Variants in MEI4 observed in about 807,000 individuals in gnomAD.
MEI4 encodes meiosis-specific protein MEI4.
A neutral mutation model predicts 31.4 loss-of-function variants in MEI4; 27 were observed. The observed-to-expected ratio is 0.86, with a 90% CI of 0.63 to 1.19. The LOEUF (loss-of-function observed/expected upper bound fraction) is 1.19. MEI4 is among the 50% of genes most tolerant of loss of function. The probability of loss-of-function intolerance (pLI) is 0.00; values close to 1 mark genes in which losing one functional copy is unlikely to be tolerated. For missense variants in MEI4, 329 were observed against 398.9 expected (o/e 0.82, Z 1.49); for synonymous variants, 122 against 145.4 (o/e 0.84, Z 1.16).
intron 4 of MEI4, among the ~76,000 whole-genome samples, chr6:77,851,900 G>A (rs1335327460): frequency 1.3e-5 from 2 of 151,944 alleles, no homozygotes; most frequent in Admixed American, 6.6e-5. Flanking sequence ...ATTCCTATTG[G>A]AATATAACTT....
chr6:77,737,987 G>A (rs1264252474), intron 2 of MEI4, among the ~76,000 whole-genome samples: 1 of 152,208 alleles, frequency 6.6e-6, no homozygotes, highest in Non-Finnish European at 1.5e-5. Context: ...CTTGAGAGAA[G>A]TGTCAGGATT....
At chr6:77,704,156 T>C (rs1283737462) in intron 2 of MEI4, among the ~76,000 whole-genome samples, 3 of 152,208 alleles carry the variant, frequency 2.0e-5, no homozygotes, top group Non-Finnish European at 2.9e-5. Context: ...CTTTTGAAGG[T>C]AGGAGAAGGT....
chr6:77,700,183 G>A (rs1241571643), intron 2 of MEI4, among the ~76,000 whole-genome samples: 1 of 152,204 alleles, frequency 6.6e-6, no homozygotes, highest in South Asian at 2.1e-4. Context: ...TCTGTGCCCT[G>A]CCCCTAGAGG....
chr6:77,832,199 A>T (rs1770099917), intron 4 of MEI4, among the ~76,000 whole-genome samples: 1 of 151,992 alleles, frequency 6.6e-6, no homozygotes, highest in South Asian at 2.1e-4. Context: ...GTGCTTTTAT[A>T]CTCAGTGTTT....
intron 2 of MEI4, among the ~76,000 whole-genome samples, chr6:77,744,786 G>T (rs969676632): frequency 6.6e-6 from 1 of 152,160 alleles, no homozygotes; most frequent in African/African-American, 2.4e-5. Context: ...AGAAACCCTA[G>T]AAGCCAGAAG....
At chr6:77,730,679 A>C (rs1766957717) in intron 2 of MEI4, among the ~76,000 whole-genome samples, 1 of 151,986 alleles carries the variant, frequency 6.6e-6, no homozygotes, top group Non-Finnish European at 1.5e-5. Context: ...CACAATGTGC[A>C]AGTTAGTTAC....
At chr6:77,740,148 C>T (rs1046439685) in intron 2 of MEI4, among the ~76,000 whole-genome samples, 3 of 152,170 alleles carry the variant, frequency 2.0e-5, no homozygotes, top group Non-Finnish European at 4.4e-5. Flanking sequence ...ATTTTAATTA[C>T]ACTGTCGTCT....
At chr6:77,659,845 G>A (rs1768469392) in intron 1 of MEI4, among the ~76,000 whole-genome samples, 1 of 152,164 alleles carries the variant, frequency 6.6e-6, no homozygotes, top group Non-Finnish European at 1.5e-5. Context: ...ATTACCCAGG[G>A]GAATTCCAGT....
In MEI4 at chr6:77,782,440, A is replaced by G. The variant is rs148648059; in HGVS notation, c.768+20775A>G. 1.4e-3 allele frequency among the ~76,000 whole-genome samples: 213 copies of G among 152,310 alleles called. 1 individual carries two copies. Among genetic ancestry groups the G allele is most frequent in the African/African-American group, 4.5e-3 (187 of 41,578 alleles). The stretch of plus-strand genomic sequence containing the variant: ...ACATACTTAAGATACAGCATTCAAT[A>G]AATTTTCATTTACTCAGTTTTGCCT... On this transcript the variant is annotated intron_variant, in intron 3 of 4. Transcript: ENST00000684080.
At chr6:77,864,722 T>C (rs1321626358) in intron 4 of MEI4, among the ~76,000 whole-genome samples, 5 of 152,106 alleles carry the variant, frequency 3.3e-5, no homozygotes, top group East Asian at 3.9e-4. Context: ...AGCTCTGCAC[T>C]AAGCAGACCT....
At chr6:77,867,455 T>C (rs577076616) in intron 4 of MEI4, among the ~76,000 whole-genome samples, 15 of 152,116 alleles carry the variant, frequency 9.9e-5, no homozygotes, top group African/African-American at 3.4e-4. Context: ...AGCCAAAAGA[T>C]ACATGAAAAA....
At chr6:77,804,641 T>C (rs1213501314) in intron 3 of MEI4, among the ~76,000 whole-genome samples, 2 of 152,198 alleles carry the variant, frequency 1.3e-5, no homozygotes. Flanking sequence ...TATTAGTAGT[T>C]CACATCCCTT....
At chr6:77,862,722 G>C (rs1238451968) in intron 4 of MEI4, among the ~76,000 whole-genome samples, 2 of 152,192 alleles carry the variant, frequency 1.3e-5, no homozygotes, top group Non-Finnish European at 2.9e-5. Context: ...GGTTTGAAGA[G>C]AGTAGTGGTT....
At chr6:77,861,832 A>C in intron 4 of MEI4, among the ~76,000 whole-genome samples, 1 of 152,194 alleles carries the variant, frequency 6.6e-6, no homozygotes. Context: ...ACACACAGTA[A>C]ATACTTCATG....
chr6:77,883,746 C>CACATATATATATATA (rs1554172133), intron 4 of MEI4, among the ~76,000 whole-genome samples: 21 of 31,724 alleles, frequency 6.6e-4, no homozygotes, highest in Admixed American at 1.3e-3. Context: ...ATATATATAA[C>CACATATATATATATA]TTTGTCTTTG....
intron 4 of MEI4, among the ~76,000 whole-genome samples, chr6:77,841,208 C>T (rs1770348999): frequency 6.7e-6 from 1 of 149,132 alleles, no homozygotes; most frequent in Middle Eastern, 3.5e-3. Flanking sequence ...TATATGATAA[C>T]TAAAATATAA....
intron 3 of MEI4, among the ~76,000 whole-genome samples, chr6:77,792,419 A>T (rs567530501): frequency 6.6e-6 from 1 of 152,262 alleles, no homozygotes; most frequent in South Asian, 2.1e-4. Context: ...TTACACTCAC[A>T]CCAGCAGTGT....
chr6:77,680,881 C>G (rs1238995383), intron 1 of MEI4, among the ~76,000 whole-genome samples: 1 of 152,128 alleles, frequency 6.6e-6, no homozygotes, highest in African/African-American at 2.4e-5. Context: ...GATCCTTTAT[C>G]AGAATTAATA....
At chr6:77,749,907 T>G (rs1767723840) in intron 2 of MEI4, among the ~76,000 whole-genome samples, 1 of 152,144 alleles carries the variant, frequency 6.6e-6, no homozygotes, top group Admixed American at 6.5e-5. Flanking sequence ...CCCACCAGAC[T>G]AACAGCAGAT....
Sources: gnomAD v4.1 joint callset for allele counts (sites outside exome capture counted in the v4.1 genomes callset) on GRCh38, gnomAD v4.1.1 for gene constraint, MANE v1.5 for transcripts, NCBI Gene and HGNC (gene_info 2026-07-23, HGNC 2026-07-21) for gene names.